ZBTB8A: variants seen among roughly 807,000 people sequenced by gnomAD.
ZBTB8A encodes zinc finger and BTB domain containing 8A, also known as zinc finger and BTB domain-containing protein 8A.
Under a neutral mutation model 37.8 loss-of-function variants are expected in ZBTB8A, and 19 were observed. The observed-to-expected ratio is 0.50, with a 90% CI of 0.35 to 0.74. The LOEUF is 0.74. ZBTB8A is among the 30% of genes least tolerant of loss of function. The pLI, the probability that ZBTB8A is intolerant of heterozygous loss-of-function variation, is 0.01. For missense variants in ZBTB8A, 394 were observed against 537.8 expected, an observed-to-expected ratio of 0.73 and a Z score of 2.65; for synonymous variants, 181 against 185.2, an observed-to-expected ratio of 0.98 and a Z score of 0.19.
intron 2 of ZBTB8A, among the ~76,000 whole-genome samples, chr1:32,574,140 A>T (rs1258584993): frequency 6.6e-6 from 1 of 152,142 alleles, no homozygotes; most frequent in Non-Finnish European, 1.5e-5. Context: ...AAACTGCTTG[A>T]ACTGCAAACA....
At position 32,593,267 on chromosome 1, in the gene ZBTB8A, T is replaced by G. The variant is rs1298928604; in HGVS notation, c.336T>G (p.Ser112Arg). 1 of 1,614,136 alleles carries G rather than the reference T, an allele frequency of 6.2e-7. No homozygotes were observed. The highest frequency in any genetic ancestry group is 8.5e-7 in the Non-Finnish European group (1 of 1,180,026). The change falls in exon 3 of 5, where the codon AGT becomes AGG. Residue 112 changes from serine (S) to arginine (R), a missense_variant. Coordinates refer to ENST00000373510, the MANE Select transcript of ZBTB8A (RefSeq NM_001040441.3). ...TCCTTCAGATGACTGATGTCATAAG[T>G]GTATGTAAGACTTTTATTAAATCTT... ...ASFLQMTDVI[S>R]VCKTFIKSSL...
intron 1 of ZBTB8A, among the ~76,000 whole-genome samples, chr1:32,551,572 G>A (rs1644156233): frequency 6.6e-6 from 1 of 152,084 alleles, no homozygotes; most frequent in African/African-American, 2.4e-5. Context: ...AATGAGCCGG[G>A]TGTGGTGGTG....
rs1248141608 is a variant in ZBTB8A, at chr1:32,603,951, AGAGT to A, written c.*3535_*3538del. On this transcript the variant is annotated 3_prime_UTR_variant, in exon 5 of 5. Coordinates refer to ENST00000373510, the MANE Select transcript of ZBTB8A (RefSeq NM_001040441.3). ...AGACGTTAGAGACCAGTTATTTTCT[AGAGT>A]GAAACTGTCTATTGATGATTGAGAA... is the stretch of plus-strand genomic sequence containing the variant. 2.6e-5 allele frequency: 4 copies of A among 152,258 alleles called. No individual in the cohort carries two copies. Among genetic ancestry groups the A allele is most frequent in the Admixed American group, 2.0e-4 (3 of 15,284 alleles). The allele number at this position is 152,258 out of a possible 1,614,324, so 9.4% of individuals were successfully genotyped here.
chr1:32,547,828 C>CAAAAAAAAAAAAAAAAAAAAAAAAA (rs1194254576), intron 1 of ZBTB8A, among the ~76,000 whole-genome samples: 3 of 30,470 alleles, frequency 9.8e-5, no homozygotes, highest in African/African-American at 1.4e-4. Flanking sequence ...ACAAACAAAG[C>CAAAAAAAAAAAAAAAAAAAAAAAAA]AAAAAAAAAA....
At chr1:32,582,210 TG>T (rs1644412222) in intron 2 of ZBTB8A, among the ~76,000 whole-genome samples, 1 of 152,196 alleles carries the variant, frequency 6.6e-6, no homozygotes, top group African/African-American at 2.4e-5. Flanking sequence ...ACTAACTTGA[TG>T]CTCAAAGGAA....
chr1:32,597,138 C>T (rs1050388024), intron 4 of ZBTB8A, among the ~76,000 whole-genome samples: 1 of 152,090 alleles, frequency 6.6e-6, no homozygotes, highest in Non-Finnish European at 1.5e-5. Flanking sequence ...TCCCGAGTAG[C>T]TGGGACTACA....
intron 1 of ZBTB8A, among the ~76,000 whole-genome samples, chr1:32,550,744 G>T (rs1644146379): frequency 6.6e-6 from 1 of 152,050 alleles, no homozygotes; most frequent in Non-Finnish European, 1.5e-5. Context: ...GGATCACAAG[G>T]TCAGGAGTTC....
chr1:32,571,519 G>A (rs1398818376), intron 2 of ZBTB8A, among the ~76,000 whole-genome samples: 1 of 151,872 alleles, frequency 6.6e-6, no homozygotes, highest in Non-Finnish European at 1.5e-5. Flanking sequence ...TAAACATCTT[G>A]TATTCCAGCG....
intron 1 of ZBTB8A, among the ~76,000 whole-genome samples, chr1:32,552,589 C>T (rs1644165541): frequency 1.3e-5 from 2 of 151,992 alleles, no homozygotes; most frequent in African/African-American, 4.8e-5. Context: ...TTGCTCAAAC[C>T]AGGGAGGCGG....
chr1:32,586,417 C>T (rs1644449960), intron 2 of ZBTB8A, among the ~76,000 whole-genome samples: 1 of 152,088 alleles, frequency 6.6e-6, no homozygotes, highest in Non-Finnish European at 1.5e-5. Flanking sequence ...GTTCAAGGAG[C>T]TGGAATACAT....
At position 32,605,779 on chromosome 1, in the gene ZBTB8A, T is replaced by C. The variant is rs1376855154; in HGVS notation, c.*5360T>C. 2 of 144,422 alleles carry C rather than the reference T, an allele frequency of 1.4e-5. No homozygotes were observed. The highest frequency in any genetic ancestry group is 3.0e-5 in the Non-Finnish European group (2 of 66,898). 8.9% of individuals were successfully genotyped at this position (144,422 alleles called of 1,614,324 possible). On this transcript the variant is annotated 3_prime_UTR_variant, in exon 5 of 5. Coordinates refer to ENST00000373510, the MANE Select transcript of ZBTB8A (RefSeq NM_001040441.3). ...TGGTAGCAAAAAATAGGAAATATAA[T>C]GATCACATTTTCTGAATCCTAGACC...
intron 2 of ZBTB8A, among the ~76,000 whole-genome samples, chr1:32,584,829 T>C (rs537687304): frequency 6.6e-6 from 1 of 151,072 alleles, no homozygotes; most frequent in South Asian, 2.1e-4. Context: ...CTAAACATCA[T>C]TGTTAATAGT....
At position 32,600,491 on chromosome 1, in the gene ZBTB8A, G is replaced by A; in HGVS notation, c.*72G>A. On this transcript the variant is annotated 3_prime_UTR_variant, in exon 5 of 5. Coordinates refer to ENST00000373510, the MANE Select transcript of ZBTB8A (RefSeq NM_001040441.3). ...CTTCCTGTATCTCTCTCTTTCTATG[G>A]TCGGAGTCTAGTTAACAAATTTATC... 8.4e-7 allele frequency: 1 copy of A among 1,191,760 alleles called. No individual in the cohort carries two copies. The highest frequency in any genetic ancestry group is 1.2e-6 in the Non-Finnish European group (1 of 846,116). The allele number at this position is 1,191,760 out of a possible 1,614,324, so 73.8% of individuals were successfully genotyped here. A position where few individuals can be genotyped will look rare whatever the true frequency, so the allele number is the denominator to read the frequency against.
intron 1 of ZBTB8A, among the ~76,000 whole-genome samples, chr1:32,551,232 A>G (rs1431856189): frequency 6.6e-6 from 1 of 152,104 alleles, no homozygotes; most frequent in Non-Finnish European, 1.5e-5. Flanking sequence ...TAGGATTTCA[A>G]GACCAGCCTG....
chr1:32,589,152 A>G (rs1644469839), intron 2 of ZBTB8A, among the ~76,000 whole-genome samples: 1 of 152,104 alleles, frequency 6.6e-6, no homozygotes. Context: ...TAGAGGCCAA[A>G]AGTAGATGTG....
At chr1:32,541,791 C>G (rs1644057351) in intron 1 of ZBTB8A, among the ~76,000 whole-genome samples, 2 of 152,146 alleles carry the variant, frequency 1.3e-5, no homozygotes, top group Non-Finnish European at 2.9e-5. Context: ...GGCACTAATT[C>G]CATCCATGAG....
At chr1:32,546,454 A>T (rs1318785318) in intron 1 of ZBTB8A, among the ~76,000 whole-genome samples, 1 of 128,654 alleles carries the variant, frequency 7.8e-6, no homozygotes, top group Non-Finnish European at 1.7e-5. Flanking sequence ...AAAAAAAAAA[A>T]TAAATAAATA....
At chr1:32,595,770 C>T (rs1253504996) in intron 4 of ZBTB8A, among the ~76,000 whole-genome samples, 1 of 152,070 alleles carries the variant, frequency 6.6e-6, no homozygotes, top group Admixed American at 6.6e-5. Context: ...CCGCCTCAGC[C>T]TCCTGAGTAG....
In ZBTB8A at chr1:32,605,704, C is replaced by CAAACAAAAAAAAAAAA. The variant is rs1644612531; in HGVS notation, c.*5288_*5289insCAAAAAAAAAAAAAAA. 1 of 18,400 alleles carries CAAACAAAAAAAAAAAA rather than the reference C, an allele frequency of 5.4e-5. No individual in the cohort carries two copies. The highest frequency in any genetic ancestry group is 1.7e-4 in the African/African-American group (1 of 5,844). 1.1% of individuals were successfully genotyped at this position (18,400 alleles called of 1,614,324 possible). On this transcript the variant is annotated 3_prime_UTR_variant, in exon 5 of 5. Transcript: ENST00000373510. ...TGGGTGACAGAGCGAGACTCCACCT[C>CAAACAAAAAAAAAAAA]AAAAAAAAAAAAAAAAAAAAAAAAA...
Sources: allele counts gnomAD v4.1 joint callset (sites outside exome capture counted in the v4.1 genomes callset), GRCh38; gene constraint gnomAD v4.1.1; transcripts MANE v1.5; gene names NCBI Gene and HGNC (gene_info 2026-07-23, HGNC 2026-07-21).